The following COL16A1 variants were observed in gnomAD, a reference collection of about 807,000 sequenced individuals.
The protein encoded by COL16A1 is collagen alpha-1(XVI) chain.
COL16A1 carries 189 observed loss-of-function variants against 266.3 expected under a neutral mutation model. The observed-to-expected ratio is 0.71, with a 90% CI of 0.63 to 0.80. The LOEUF (loss-of-function observed/expected upper bound fraction) is 0.80. Among genes scored for constraint, COL16A1 ranks in the 30% least tolerant of loss-of-function variants. COL16A1 has a pLI of 0.00. For missense variants in COL16A1, 1,928 were observed against 2,122.4 expected (o/e 0.91, Z 1.80); for synonymous variants, 740 against 782.3 (o/e 0.95, Z 0.90).
In COL16A1 at chr1:31,668,986, G is replaced by A. The variant is rs971475384; in HGVS notation, c.3196-131C>T. On this transcript the variant is annotated intron_variant, in intron 49 of 70. Coordinates refer to ENST00000373672, the MANE Select transcript of COL16A1 (RefSeq NM_001856.4). The surrounding 1 kb of genome is among the most constrained non-coding windows in gnomAD (Gnocchi z 5.8). Reference sequence around the variant, plus strand: ...TGGAGGCCATAGTGGCTCTCGTAGTGTCCCTAGAAGGTGACCCGTAATGGG... The same window carrying A: ...TGGAGGCCATAGTGGCTCTCGTAGTATCCCTAGAAGGTGACCCGTAATGGG... 10 of 763,124 alleles carry A rather than the reference G, an allele frequency of 1.3e-5. No individual in the cohort carries two copies. Among genetic ancestry groups the A allele is most frequent in the African/African-American group, 1.2e-4 (7 of 56,836 alleles). The allele number at this position is 763,124 out of a possible 1,614,324, so 47.3% of individuals were successfully genotyped here.
chr1:31,674,885 T>C (rs1212415127), intron 44 of COL16A1, 122 bp downstream of exon 44: 9 of 1,456,878 alleles, frequency 6.2e-6, no homozygotes, highest in Non-Finnish European at 8.3e-6. Flanking sequence ...ATGCTTGGAA[T>C]GCGTATTCCC....
rs564456902 is a variant in COL16A1, at chr1:31,696,991, A to T, written c.836T>A (p.Phe279Tyr). ...QSEGKVYTRC[F>Y]CLEEPQNSEV... ...GCTGTTTTGAGGCTCCTCCAGGCAG[A>T]AGCAGCGGGTGTAGACCTTGCCTTC... Residue 279 changes from phenylalanine to tyrosine, a missense_variant, in exon 8 of 71, where the codon TTC (phenylalanine) becomes TAC (tyrosine). Coordinates refer to ENST00000373672, the MANE Select transcript of COL16A1 (RefSeq NM_001856.4). 1 of 1,614,012 alleles carries T rather than the reference A, an allele frequency of 6.2e-7. No homozygotes were observed. The highest frequency in any genetic ancestry group is 8.5e-7 in the Non-Finnish European group (1 of 1,180,028).
rs772362531 is a variant in COL16A1, at chr1:31,655,552, C to T, written c.4102-50G>A. 4.4e-6 allele frequency: 7 copies of T among 1,602,626 alleles called. No individual in the cohort carries two copies. In the South Asian group the frequency reaches 6.7e-5, roughly 15 times the overall value. ...GTCAAATTTACATCATGATGTCTCACCAATCTGCTCTTTTCTCTCCACCCT... is the reference window on the plus strand; with the variant it reads ...GTCAAATTTACATCATGATGTCTCATCAATCTGCTCTTTTCTCTCCACCCT... On this transcript the variant is annotated intron_variant, in intron 66 of 70. Transcript: ENST00000373672.
chr1:31,661,303 G>T (rs899790219), intron 60 of COL16A1, 111 bp downstream of exon 60: 9 of 1,560,758 alleles, frequency 5.8e-6, no homozygotes, highest in African/African-American at 1.4e-5. Flanking sequence ...GCCCCAGGAG[G>T]CTCTGATGCT....
chr1:31,691,292 C>A, intron 19 of COL16A1, 66 bp from the exon 20 acceptor site: 1 of 1,602,148 alleles, frequency 6.2e-7, no homozygotes, highest in Non-Finnish European at 8.5e-7. Context: ...GATCTTCTAC[C>A]CTCACCCTCT....
chr1:31,686,456 T>C (rs1643981632), intron 26 of COL16A1, 177 bp from the exon 27 acceptor site: 1 of 841,684 alleles, frequency 1.2e-6, no homozygotes, highest in Admixed American at 2.0e-5. Context: ...AGCCAGGGGC[T>C]AGAAGCCCTA....
chr1:31,691,925 C>A, intron 17 of COL16A1, 80 bp downstream of exon 17: 1 of 1,601,892 alleles, frequency 6.2e-7, no homozygotes, highest in South Asian at 1.1e-5. Flanking sequence ...GGGGAGGGGG[C>A]TGGATTCCCG....
Position 31,692,506 on chromosome 1 carries a change from G to T in COL16A1, c.1162C>A (p.Pro388Thr). The T allele has an allele frequency of 6.2e-7, 1 of 1,613,920 alleles. No homozygotes were observed. Among genetic ancestry groups the T allele is most frequent in the African/African-American group, 1.3e-5 (1 of 75,000 alleles). ...CCTGTTGAGCCTGGGAGTCCTGAGG[G>T]TCCCTGAGATGAGGAAGGGAGACAG... ...GEKGESGALG[P>T]SGLPGSTGEK... Residue 388 changes from proline (P) to threonine (T), a missense_variant, in exon 16 of 71, where the codon CCC becomes ACC. Around this residue, in one of 2 missense-constraint regions of COL16A1, gnomAD observed 1,552 missense variants for 1,637.2 expected, o/e 0.95. Transcript: ENST00000373672.
intron 51 of COL16A1, 52 bp from the exon 52 acceptor site, chr1:31,667,680 AC>A (rs780167629): frequency 4.6e-6 from 7 of 1,512,388 alleles, no homozygotes; most frequent in Non-Finnish European, 5.4e-6. Flanking sequence ...TTAGTCCGTC[AC>A]GGCACTAATG....
At position 31,670,450 on chromosome 1, in the gene COL16A1, C is replaced by T. The variant is rs552327848; in HGVS notation, c.3195+152G>A. 5 of 1,031,986 alleles carry T rather than the reference C, an allele frequency of 4.8e-6. No homozygotes were observed. The East Asian group carries it at 1.6e-4, about 34-fold the overall frequency. 63.9% of individuals were successfully genotyped at this position (1,031,986 alleles called of 1,614,324 possible). A position where few individuals can be genotyped will look rare whatever the true frequency, so the allele number is the denominator to read the frequency against. ...GGGAGGATGTCCAAGCTGCCGGGAC[C>T]TCAGAGAACCCGTGTCGTTAGCTAC... On this transcript the variant is annotated intron_variant, in intron 49 of 70. Coordinates refer to ENST00000373672, the MANE Select transcript of COL16A1 (RefSeq NM_001856.4). This position sits in a 1 kb window ranked among gnomAD's most constrained non-coding sequence, Gnocchi z 4.5.
rs1263012949 is a variant in COL16A1 at position 31,670,571 on chromosome 1, G to T, written c.3195+31C>A. Reference sequence around the variant, plus strand: ...CCACAGAGACCTGGCTGACGGGGGGGAGGGGAGGTCGAGCAGCGCTAGGTT... The same window carrying T: ...CCACAGAGACCTGGCTGACGGGGGGTAGGGGAGGTCGAGCAGCGCTAGGTT... On this transcript the variant is annotated intron_variant, in intron 49 of 70. Coordinates refer to ENST00000373672, the MANE Select transcript of COL16A1 (RefSeq NM_001856.4). This position sits in a 1 kb window ranked among gnomAD's most constrained non-coding sequence, Gnocchi z 4.5. 7.4e-7 allele frequency: 1 copy of T among 1,358,496 alleles called. No individual in the cohort carries two copies. The highest frequency in any genetic ancestry group is 1.9e-5 in the South Asian group (1 of 52,386). The allele number at this position is 1,358,496 out of a possible 1,614,324, so 84.2% of individuals were successfully genotyped here.
chr1:31,686,992 G>C (rs926929164), intron 26 of COL16A1, among the ~76,000 whole-genome samples: 17 of 152,202 alleles, frequency 1.1e-4, no homozygotes, highest in Non-Finnish European at 2.4e-4. Flanking sequence ...TGGGGCATCC[G>C]GGGTCCTGTG....
At position 31,653,958 on chromosome 1, in the gene COL16A1, A is replaced by T. The variant is rs764511890; in HGVS notation, c.4443T>A (p.Asp1481Glu). The T allele has an allele frequency of 1.2e-6, 2 of 1,614,052 alleles. No homozygotes were observed. The highest frequency in any genetic ancestry group is 2.2e-5 in the South Asian group (2 of 91,080). The change falls in exon 69 of 71, where the codon GAT becomes GAA. Residue 1481 changes from aspartate to glutamate, a missense_variant. By Grantham distance (45) the Asp-to-Glu change is conservative. Coordinates refer to ENST00000373672, the MANE Select transcript of COL16A1 (RefSeq NM_001856.4). ...GAGCACCTGGCCTGCCCGGAGCACC[A>T]TCCTTCCCTGGAGGCCCTGGTCGTC... Reference protein sequence around the residue: ...APGRPGPPGKDGAPGRPGAPG... With the variant: ...APGRPGPPGKEGAPGRPGAPG...
intron 26 of COL16A1, among the ~76,000 whole-genome samples, chr1:31,687,898 C>A (rs1160996486): frequency 6.6e-6 from 1 of 152,206 alleles, no homozygotes; most frequent in Non-Finnish European, 1.5e-5. Context: ...GAAGTTCAAG[C>A]CTGCCATTTG....
intron 44 of COL16A1, among the ~76,000 whole-genome samples, chr1:31,674,774 G>A (rs1643037482): frequency 6.6e-6 from 1 of 152,212 alleles, no homozygotes; most frequent in South Asian, 2.1e-4. Flanking sequence ...GACAGCATCT[G>A]CCATGTGGGC....
Position 31,666,079 on chromosome 1 carries a change from G to A in COL16A1, c.3360C>T (p.Gly1120=), listed in dbSNP as rs377429626. 4.2e-5 allele frequency: 68 copies of A among 1,609,744 alleles called. No individual in the cohort carries two copies. Among genetic ancestry groups the A allele is most frequent in the Non-Finnish European group, 5.6e-5 (66 of 1,178,906 alleles). ...TGSAGEKGEP[G]PPGSEGLPGP... Reference sequence around the variant, plus strand: ...CTGGGAGGCCTTCAGATCCTGGGGGGCCCTAAGGATACAAAGGAACAGAAT... The same window carrying A: ...CTGGGAGGCCTTCAGATCCTGGGGGACCCTAAGGATACAAAGGAACAGAAT... Residue 1120 remains glycine, a splice_region_variant and synonymous_variant, in exon 53 of 71, where the codon GGC becomes GGT. Transcript: ENST00000373672.
chr1:31,693,217 T>C (rs1570572235), intron 12 of COL16A1, 63 bp from the exon 13 acceptor site: 5 of 1,052,830 alleles, frequency 4.7e-6, no homozygotes, highest in Non-Finnish European at 1.5e-6. Flanking sequence ...TTGAGAAAGC[T>C]CTCCCCACTT....
intron 37 of COL16A1, among the ~76,000 whole-genome samples, chr1:31,682,282 G>A (rs1467417180): frequency 6.6e-6 from 1 of 152,202 alleles, no homozygotes; most frequent in African/African-American, 2.4e-5. Flanking sequence ...GAGCCACTGG[G>A]TGAATAGTAC....
At chr1:31,696,274 T>C (rs953709336) in intron 8 of COL16A1, 133 bp from the exon 9 acceptor site, 2 of 730,832 alleles carry the variant, frequency 2.7e-6, no homozygotes, top group Non-Finnish European at 4.6e-6. Flanking sequence ...TCCTGGGGCA[T>C]CAAGGGCCTG....
Sources: allele counts gnomAD v4.1 joint callset (sites outside exome capture counted in the v4.1 genomes callset), GRCh38; gene constraint gnomAD v4.1.1; regional missense constraint gnomAD v4.1.1; non-coding constraint Gnocchi (gnomAD v3.1); transcripts MANE v1.5; gene names NCBI Gene and HGNC (gene_info 2026-07-23, HGNC 2026-07-21).